The following NMNAT3 variants were observed in gnomAD, a reference collection of about 807,000 sequenced individuals.
NMNAT3 encodes the protein nicotinamide nucleotide adenylyltransferase 3, also known as nicotinamide/nicotinic acid mononucleotide adenylyltransferase 3.
A neutral mutation model predicts 24.8 loss-of-function variants in NMNAT3; 21 were observed. The ratio of observed to expected loss-of-function variants is 0.85; its 90% CI spans 0.60 to 1.22. NMNAT3 has a LOEUF of 1.22. Among genes scored for constraint, NMNAT3 ranks in the 50% most tolerant of loss-of-function variants. The pLI is 0.00. For synonymous variants in NMNAT3, 136 were observed against 155.2 expected, an observed-to-expected ratio of 0.88 and a Z score of 0.92; for missense variants, 387 against 436.6, an observed-to-expected ratio of 0.89 and a Z score of 1.01.
intron 1 of NMNAT3, among the ~76,000 whole-genome samples, chr3:139,656,411 C>T (rs1301601594): frequency 6.6e-6 from 1 of 152,200 alleles, no homozygotes; most frequent in East Asian, 1.9e-4. Context: ...TTCTTAACAT[C>T]TTCCATGTGT....
At chr3:139,589,858 A>ATACCCTTT (rs1301915560) in intron 3 of NMNAT3, among the ~76,000 whole-genome samples, 3 of 152,190 alleles carry the variant, frequency 2.0e-5, no homozygotes, top group Non-Finnish European at 4.4e-5. Flanking sequence ...TAGGTCTCAG[A>ATACCCTTT]AAATTTACCT....
chr3:139,607,431 T>A (rs1683632295), intron 3 of NMNAT3, among the ~76,000 whole-genome samples: 1 of 152,204 alleles, frequency 6.6e-6, no homozygotes, highest in South Asian at 2.1e-4. Flanking sequence ...TCCACACCCC[T>A]GTGGAAAACA....
chr3:139,666,045 C>G (rs1310595726), intron 1 of NMNAT3, among the ~76,000 whole-genome samples: 1 of 152,044 alleles, frequency 6.6e-6, no homozygotes, highest in Non-Finnish European at 1.5e-5. Flanking sequence ...ATAAATAAAA[C>G]AGAAAGCTTC....
intron 1 of NMNAT3, among the ~76,000 whole-genome samples, chr3:139,652,995 G>A (rs2057106121): frequency 6.6e-6 from 1 of 152,286 alleles, no homozygotes; most frequent in Non-Finnish European, 1.5e-5. Context: ...TGGGTTTCAT[G>A]ATAAGTATTT....
chr3:139,604,074 G>A (rs1418161634), intron 3 of NMNAT3, among the ~76,000 whole-genome samples: 1 of 152,124 alleles, frequency 6.6e-6, no homozygotes, highest in East Asian at 1.9e-4. Context: ...CCAAGGTAGG[G>A]GTCCCTCAAT....
At chr3:139,570,882 AT>A (rs1331733013) in intron 6 of NMNAT3, 1 of 152,608 alleles carries the variant, frequency 6.6e-6, no homozygotes, top group East Asian at 1.9e-4. Flanking sequence ...AGAGAGGGAC[AT>A]TTTAAGTCTG....
At chr3:139,639,519 A>G (rs1486028924) in intron 1 of NMNAT3, among the ~76,000 whole-genome samples, 1 of 152,176 alleles carries the variant, frequency 6.6e-6, no homozygotes, top group East Asian at 1.9e-4. Context: ...AAAGACAGGC[A>G]TGTTTATTGT....
intron 3 of NMNAT3, among the ~76,000 whole-genome samples, chr3:139,626,604 T>C (rs1467803781): frequency 6.6e-6 from 1 of 152,136 alleles, no homozygotes; most frequent in Non-Finnish European, 1.5e-5. Flanking sequence ...GTTCTGAGTA[T>C]GGGTAGAGAC....
chr3:139,632,016 ATCATAGC>A (rs1441347015), intron 2 of NMNAT3, among the ~76,000 whole-genome samples: 1 of 151,974 alleles, frequency 6.6e-6, no homozygotes, highest in African/African-American at 2.4e-5. Flanking sequence ...CAGTGGCATA[ATCATAGC>A]TCACTGCAGC....
intron 4 of NMNAT3, chr3:139,582,803 T>C: frequency 4.2e-6 from 2 of 474,624 alleles, no homozygotes; most frequent in Non-Finnish European, 3.5e-6. Flanking sequence ...AGAAATAAAG[T>C]AAATGTGGCA....
chr3:139,575,435 C>T (rs781536385), intron 5 of NMNAT3: 136 of 219,432 alleles, frequency 6.2e-4, no homozygotes, highest in Non-Finnish European at 9.4e-4. Flanking sequence ...TTTTACAACC[C>T]TTTCTGAATC....
intron 6 of NMNAT3, chr3:139,570,563 A>T (rs1419273179): frequency 3.3e-5 from 5 of 152,286 alleles, no homozygotes; most frequent in African/African-American, 7.2e-5. Flanking sequence ...CTTCTAACAG[A>T]CAGGACCCTC....
Position 139,561,091 on chromosome 3 carries a change from G to A in NMNAT3, c.960C>T (p.Tyr320=). The A allele has an allele frequency of 1.2e-6, 2 of 1,614,038 alleles. No individual in the cohort carries two copies. The highest frequency in any genetic ancestry group is 1.7e-6 in the Non-Finnish European group (2 of 1,179,998). ...TGGTGTAGAGGCCATGGTCCTTGAT[G>A]TACGTGATGACAGCATCGGGAATCA... The change falls in exon 7 of 7, where the codon TAC becomes TAT. Residue 320 remains tyrosine, a synonymous_variant. Coordinates refer to ENST00000643695, the MANE Select transcript of NMNAT3 (RefSeq NM_001320510.2).
chr3:139,670,722 G>A (rs955691650), intron 1 of NMNAT3, among the ~76,000 whole-genome samples: 3 of 152,208 alleles, frequency 2.0e-5, no homozygotes, highest in Non-Finnish European at 2.9e-5. Flanking sequence ...ATGCCAGAAT[G>A]ATACAGGGCT....
At chr3:139,638,990 C>T (rs1028474937) in intron 1 of NMNAT3, among the ~76,000 whole-genome samples, 2 of 152,156 alleles carry the variant, frequency 1.3e-5, no homozygotes, top group East Asian at 3.9e-4. Flanking sequence ...CTATTTATGC[C>T]AGGCTAATAG....
intron 2 of NMNAT3, among the ~76,000 whole-genome samples, chr3:139,632,515 C>T (rs529637845): frequency 1.3e-5 from 2 of 152,342 alleles, no homozygotes; most frequent in African/African-American, 4.8e-5. Context: ...AGACATTGCT[C>T]ACTGCACTGG....
rs190808959 is a variant in NMNAT3 at position 139,572,907 on chromosome 3, C to T, written c.658+691G>A. Among the ~76,000 whole-genome samples the T allele has an allele frequency of 1.4e-3, 218 of 152,288 alleles. 3 individuals are homozygous for T. The highest frequency in any genetic ancestry group is 0.014 in the Admixed American group (214 of 15,302). On this transcript the variant is annotated intron_variant, in intron 6 of 6. Coordinates refer to ENST00000643695, the MANE Select transcript of NMNAT3 (RefSeq NM_001320510.2). ...GAAGCAGTGTTCCACCAACCAAAGT[C>T]GGGAGACCCTGCCGTAGGAAATTCT... is the stretch of plus-strand genomic sequence containing the variant.
intron 4 of NMNAT3, among the ~76,000 whole-genome samples, chr3:139,580,584 G>A (rs558421031): frequency 5.9e-5 from 9 of 152,216 alleles, no homozygotes; most frequent in South Asian, 2.1e-4. Context: ...ACAGACAGAC[G>A]CTCGCCACCT....
At chr3:139,604,475 T>G (rs987069875) in intron 3 of NMNAT3, among the ~76,000 whole-genome samples, 22 of 152,200 alleles carry the variant, frequency 1.4e-4, no homozygotes, top group African/African-American at 5.1e-4. Flanking sequence ...GCCAAAGGCT[T>G]TACATATACT....
Sources: gnomAD v4.1 joint callset for allele counts (sites outside exome capture counted in the v4.1 genomes callset) on GRCh38, gnomAD v4.1.1 for gene constraint, MANE v1.5 for transcripts, NCBI Gene and HGNC (gene_info 2026-07-23, HGNC 2026-07-21) for gene names.